NFIB: variants seen among roughly 807,000 people sequenced by gnomAD.
The protein encoded by NFIB is nuclear factor I B, also known as nuclear factor 1 B-type.
In NFIB, 11 loss-of-function variants were observed where a neutral mutation model predicts 61.5. That is an observed-to-expected ratio of 0.18 (90% CI 0.11 to 0.30). The LOEUF (loss-of-function observed/expected upper bound fraction) is 0.30, where lower values mean the gene tolerates loss of function less well. NFIB is among the 10% of genes least tolerant of loss of function. NFIB has a pLI of 1.00. For missense variants in NFIB, 471 were observed against 608.9 expected (o/e 0.77, Z 2.38); for synonymous variants, 260 against 216.5 (o/e 1.20, Z -1.76).
At chr9:14,184,664 T>G (rs2047148312) in intron 2 of NFIB, among the ~76,000 whole-genome samples, 1 of 152,216 alleles carries the variant, frequency 6.6e-6, no homozygotes, top group East Asian at 1.9e-4. Context: ...TGCAACTATC[T>G]GAGGTAGATA....
chr9:14,148,427 T>C lies in NFIB; in HGVS notation c.807-1620A>G, dbSNP rs551161317. On this transcript the variant is annotated intron_variant, in intron 5 of 10. Coordinates refer to ENST00000380953, the MANE Select transcript of NFIB (RefSeq NM_001190737.2). ...CTGTGCCCAGTGAATATTTTTTCTT[T>C]AATTAAAAAAAAAATCTTATTCACA... 6.6e-5 allele frequency among the ~76,000 whole-genome samples: 10 copies of C among 152,160 alleles called. No homozygotes were observed. In the East Asian group the frequency reaches 1.9e-3, roughly 29 times the overall value.
chr9:14,226,802 C>A (rs961327083), intron 2 of NFIB, among the ~76,000 whole-genome samples: 3 of 151,840 alleles, frequency 2.0e-5, no homozygotes, highest in Non-Finnish European at 4.4e-5. Context: ...AATGGTTTCC[C>A]AATTTATCAT....
At chr9:14,105,551 G>T (rs918929387) in intron 10 of NFIB, among the ~76,000 whole-genome samples, 2 of 151,792 alleles carry the variant, frequency 1.3e-5, no homozygotes, top group African/African-American at 4.8e-5. Context: ...AAACCTTCTT[G>T]GTCATAAAGC....
chr9:14,196,984 C>G (rs1057120732), intron 2 of NFIB, among the ~76,000 whole-genome samples: 2 of 152,122 alleles, frequency 1.3e-5, no homozygotes, highest in African/African-American at 4.8e-5. Flanking sequence ...GTGCAAAATC[C>G]ATTTCATATA....
At chr9:14,327,153 A>G (rs2060764618) in intron 1 of NFIB, among the ~76,000 whole-genome samples, 3 of 152,168 alleles carry the variant, frequency 2.0e-5, no homozygotes, top group Non-Finnish European at 1.5e-5. Context: ...CAATCCAGAA[A>G]TTAGTGAGGC....
At chr9:14,322,112 G>A (rs1421853628) in intron 1 of NFIB, 2 of 1,212,712 alleles carry the variant, frequency 1.6e-6, no homozygotes, top group African/African-American at 1.6e-5. Flanking sequence ...AGCAATCCGG[G>A]AGTAGTCTTA....
In NFIB at chr9:14,388,274, C is replaced by A. The variant is rs892869505; in HGVS notation, c.108+10250G>T. On this transcript the variant is annotated intron_variant, in intron 1 of 8. Coordinates refer to the NFIB transcript ENST00000380934. ...TGTAGTCCCAGCTACATGGAGGAGGCTGGGGTGGGAGGATTAATTGAGCCT... is the reference window on the plus strand; with the variant it reads ...TGTAGTCCCAGCTACATGGAGGAGGATGGGGTGGGAGGATTAATTGAGCCT... Among the ~76,000 whole-genome samples, 4 of 151,616 alleles carry A rather than the reference C, an allele frequency of 2.6e-5. No individual in the cohort carries two copies. The South Asian group carries it at 6.3e-4, about 24-fold the overall frequency.
chr9:14,472,908 C>T, the NFIB span, among the ~76,000 whole-genome samples: 1 of 152,132 alleles, frequency 6.6e-6, no homozygotes, highest in Admixed American at 6.5e-5. Context: ...CAAACCAAAG[C>T]TGGTTTTTCA....
chr9:14,353,261 T>G (rs2061135689), intron 1 of NFIB, among the ~76,000 whole-genome samples: 1 of 152,136 alleles, frequency 6.6e-6, no homozygotes, highest in Admixed American at 6.5e-5. Context: ...TGATTGTTTT[T>G]GTGCGTGGAA....
At chr9:14,213,278 A>G (rs1436409314) in intron 2 of NFIB, among the ~76,000 whole-genome samples, 5 of 152,028 alleles carry the variant, frequency 3.3e-5, no homozygotes, top group African/African-American at 1.2e-4. Flanking sequence ...ATCTTTGGAA[A>G]GTTACCTATC....
the NFIB span, among the ~76,000 whole-genome samples, chr9:14,436,115 A>G: frequency 6.6e-6 from 1 of 152,236 alleles, no homozygotes; most frequent in Non-Finnish European, 1.5e-5. Flanking sequence ...AACCACTGTC[A>G]TGAACTCTGC....
intron 1 of NFIB, among the ~76,000 whole-genome samples, chr9:14,380,719 AT>A (rs1198902944): frequency 6.6e-6 from 1 of 152,130 alleles, no homozygotes; most frequent in East Asian, 1.9e-4. Context: ...GACCAGGAGC[AT>A]GGTGCTTTTT....
the NFIB span, among the ~76,000 whole-genome samples, chr9:14,466,486 C>G: frequency 6.6e-6 from 1 of 152,130 alleles, no homozygotes; most frequent in Non-Finnish European, 1.5e-5. Context: ...TCCCCTCATA[C>G]TTCCCACTCT....
At chr9:14,116,852 G>A (rs1208026256) in intron 8 of NFIB, among the ~76,000 whole-genome samples, 1 of 152,130 alleles carries the variant, frequency 6.6e-6, no homozygotes, top group Non-Finnish European at 1.5e-5. Flanking sequence ...AACGAATTCT[G>A]GAATTTTCAT....
At chr9:14,293,571 A>T (rs1363646754) in intron 2 of NFIB, among the ~76,000 whole-genome samples, 4 of 152,224 alleles carry the variant, frequency 2.6e-5, no homozygotes, top group African/African-American at 9.6e-5. Context: ...ACAAAGCTGT[A>T]ATGATGATGC....
At chr9:14,272,253 C>T (rs1031307946) in intron 2 of NFIB, among the ~76,000 whole-genome samples, 5 of 151,972 alleles carry the variant, frequency 3.3e-5, no homozygotes, top group African/African-American at 9.7e-5. Context: ...TATCTTACTC[C>T]CAATTTTTCA....
chr9:14,113,145 A>T, intron 9 of NFIB, 64 bp from the exon 10 acceptor site: 1 of 1,413,956 alleles, frequency 7.1e-7, no homozygotes, highest in Non-Finnish European at 9.5e-7. Flanking sequence ...CACCCTGTCC[A>T]TGTATAAGAA....
chr9:14,191,007 A>C (rs1003038840), intron 2 of NFIB, among the ~76,000 whole-genome samples: 25 of 152,184 alleles, frequency 1.6e-4, no homozygotes, highest in African/African-American at 5.8e-4. Context: ...AGCCTGGCCA[A>C]CATAATGAAA....
the NFIB span, among the ~76,000 whole-genome samples, chr9:14,439,843 G>A: frequency 2.0e-5 from 3 of 152,224 alleles, no homozygotes; most frequent in Non-Finnish European, 4.4e-5. Flanking sequence ...AAACACCCCC[G>A]AGGCGGAAGC....
Sources: gnomAD v4.1 joint callset for allele counts (sites outside exome capture counted in the v4.1 genomes callset) on GRCh38, gnomAD v4.1.1 for gene constraint, MANE v1.5 for transcripts, NCBI Gene and HGNC (gene_info 2026-07-23, HGNC 2026-07-21) for gene names.